Variants in METTL15 observed in about 807,000 individuals in gnomAD.
The protein encoded by METTL15 is methyltransferase 15, mitochondrial 12S rRNA N4-cytidine.
A neutral mutation model predicts 38.3 loss-of-function variants in METTL15; 34 were observed. That is an observed-to-expected ratio of 0.89 (90% CI 0.68 to 1.18). METTL15 has a LOEUF of 1.18. METTL15 is among the 50% of genes most tolerant of loss of function. The probability of loss-of-function intolerance (pLI) is 0.00; values close to 1 mark genes in which losing one functional copy is unlikely to be tolerated. For missense variants in METTL15, 438 were observed against 498.4 expected (o/e 0.88, Z 1.15); for synonymous variants, 162 against 170.9 (o/e 0.95, Z 0.41).
rs533852830 is a variant in METTL15, at chr11:28,445,297, A to T, written c.*424+20933A>T. ...ACTTCCGTAGACTCTTTTTCAGATT[A>T]ACCAGTTTTAAACATTTTGTCATAT... On this transcript the variant is annotated intron_variant and NMD_transcript_variant, in intron 6 of 7. Coordinates refer to the METTL15 transcript ENST00000532947. 3.5e-3 allele frequency among the ~76,000 whole-genome samples: 533 copies of T among 152,312 alleles called. 2 individuals carry two copies. The highest frequency in any genetic ancestry group is 0.013 in the South Asian group (65 of 4,822).
chr11:28,356,098 T>C (rs1274693650), intron 4 of METTL15, among the ~76,000 whole-genome samples: 1 of 152,194 alleles, frequency 6.6e-6, no homozygotes, highest in African/African-American at 2.4e-5. Flanking sequence ...TGCTCCCTCT[T>C]GTCTCTCAGT....
At chr11:28,238,050 A>G (rs1384049629) in intron 4 of METTL15, among the ~76,000 whole-genome samples, 1 of 152,176 alleles carries the variant, frequency 6.6e-6, no homozygotes, top group Non-Finnish European at 1.5e-5. Flanking sequence ...CTCGGGGGTC[A>G]GGGGTCAGGG....
At chr11:28,445,214 A>C (rs1851065467) in intron 6 of METTL15, among the ~76,000 whole-genome samples, 1 of 151,830 alleles carries the variant, frequency 6.6e-6, no homozygotes, top group Admixed American at 6.6e-5. Context: ...ACTTTTAAAA[A>C]CTCTTTACTT....
chr11:28,300,564 A>G (rs1856877892), intron 6 of METTL15, among the ~76,000 whole-genome samples: 1 of 152,198 alleles, frequency 6.6e-6, no homozygotes, highest in South Asian at 2.1e-4. Flanking sequence ...AAGTTGGAAC[A>G]GAGCACTTAC....
chr11:28,482,514 A>G (rs1044520989), intron 6 of METTL15, among the ~76,000 whole-genome samples: 7 of 152,212 alleles, frequency 4.6e-5, no homozygotes, highest in Admixed American at 6.5e-5. Flanking sequence ...TGCTCAGGAA[A>G]TCCTAATTCT....
In METTL15 at chr11:28,239,697, C is replaced by A. The variant is rs567175730; in HGVS notation, c.407+28499C>A. ...TTTAAGTACACCTAGCATGTTTGCACCTCCAAGCCATTTCCTCTTCCCAGA... is the reference window on the plus strand; with the variant it reads ...TTTAAGTACACCTAGCATGTTTGCAACTCCAAGCCATTTCCTCTTCCCAGA... On this transcript the variant is annotated intron_variant, in intron 4 of 6. Transcript: ENST00000407364. 1.4e-4 allele frequency among the ~76,000 whole-genome samples: 22 copies of A among 152,298 alleles called. No homozygotes were observed. In the South Asian group the frequency reaches 4.3e-3, roughly 30 times the overall value.
chr11:28,221,717 A>G (rs1853233021), intron 4 of METTL15, among the ~76,000 whole-genome samples: 1 of 152,064 alleles, frequency 6.6e-6, no homozygotes. Context: ...ATGGTGATGT[A>G]CAGATGGGGT....
intron 6 of METTL15, among the ~76,000 whole-genome samples, chr11:28,318,365 T>TTATA (rs564672034): frequency 1.6e-4 from 24 of 150,368 alleles, no homozygotes; most frequent in African/African-American, 4.4e-4. Flanking sequence ...TAATTTGATT[T>TTATA]TATATATATA....
chr11:28,257,776 C>A (rs534762342), intron 4 of METTL15, among the ~76,000 whole-genome samples: 1 of 152,228 alleles, frequency 6.6e-6, no homozygotes, highest in Admixed American at 6.5e-5. Flanking sequence ...TCATAAAATT[C>A]AGAATTCCTT....
At chr11:28,350,956 C>G (rs920336613) in intron 3 of METTL15, among the ~76,000 whole-genome samples, 2 of 152,188 alleles carry the variant, frequency 1.3e-5, no homozygotes, top group South Asian at 2.1e-4. Flanking sequence ...ATCTCTCACT[C>G]TCCCATATTG....
intron 4 of METTL15, among the ~76,000 whole-genome samples, chr11:28,281,515 CT>C (rs889309564): frequency 2.0e-5 from 3 of 152,182 alleles, no homozygotes; most frequent in African/African-American, 7.2e-5. Flanking sequence ...TTTTATAGCT[CT>C]CTGATTCCTT....
intron 5 of METTL15, among the ~76,000 whole-genome samples, chr11:28,404,060 A>G (rs1181081235): frequency 1.3e-5 from 2 of 151,960 alleles, no homozygotes; most frequent in Non-Finnish European, 2.9e-5. Context: ...TCCCTCAAAA[A>G]CCCTAGAAAA....
chr11:28,164,462 T>C (rs1201138401), intron 3 of METTL15, among the ~76,000 whole-genome samples: 4 of 152,134 alleles, frequency 2.6e-5, no homozygotes, highest in East Asian at 3.9e-4. Context: ...TATAGGTTTT[T>C]CCCCCATATT....
chr11:28,219,027 T>G (rs956698347), intron 4 of METTL15, among the ~76,000 whole-genome samples: 14 of 152,268 alleles, frequency 9.2e-5, no homozygotes, highest in East Asian at 3.9e-4. Flanking sequence ...TCTCTTTTTT[T>G]GTTGTGTCTC....
intron 6 of METTL15, among the ~76,000 whole-genome samples, chr11:28,320,589 A>G (rs1380663933): frequency 1.3e-5 from 2 of 152,110 alleles, no homozygotes; most frequent in Non-Finnish European, 2.9e-5. Flanking sequence ...CCTGTGCAGA[A>G]AGGTGCTCCA....
intron 2 of METTL15, among the ~76,000 whole-genome samples, chr11:28,111,733 G>A (rs1379988754): frequency 6.6e-6 from 1 of 152,154 alleles, no homozygotes; most frequent in Non-Finnish European, 1.5e-5. Flanking sequence ...TTCAAGAGTC[G>A]TGGTAAGGAT....
chr11:28,508,602 G>A (rs1378947812), intron 6 of METTL15, among the ~76,000 whole-genome samples: 1 of 152,126 alleles, frequency 6.6e-6, no homozygotes, highest in Non-Finnish European at 1.5e-5. Context: ...GGTATAAACT[G>A]ATGTTTCCAC....
downstream of METTL15, among the ~76,000 whole-genome samples, chr11:28,337,948 ATAGATGTTAATCAGAACTGGATTCCTC>A (rs1051893109): frequency 2.0e-5 from 3 of 152,144 alleles, no homozygotes; most frequent in African/African-American, 7.2e-5. Context: ...AGACCCAGAA[ATAGATGTTAATCAGAACTGGATTCCTC>A]TAATTCCCAC....
rs1855327134 is a variant in METTL15 at position 28,264,363 on chromosome 11, TA to T, written c.408-25841del. Among the ~76,000 whole-genome samples the T allele has an allele frequency of 2.0e-5, 3 of 152,280 alleles. No individual in the cohort carries two copies. The South Asian group carries it at 6.2e-4, about 32-fold the overall frequency. On this transcript the variant is annotated intron_variant, in intron 4 of 6. Coordinates refer to ENST00000407364, the MANE Select transcript of METTL15 (RefSeq NM_001113528.2). Reference sequence around the variant, plus strand: ...ATTATGAGAAATTTCTGTGCTTTGATAATTAAAGCAATATAATTAGTAGTTG... The same window carrying T: ...ATTATGAGAAATTTCTGTGCTTTGATATTAAAGCAATATAATTAGTAGTTG...
Sources: allele counts gnomAD v4.1 joint callset (sites outside exome capture counted in the v4.1 genomes callset), GRCh38; gene constraint gnomAD v4.1.1; transcripts MANE v1.5; gene names NCBI Gene and HGNC (gene_info 2026-07-23, HGNC 2026-07-21).